Variants in FANCC observed in about 807,000 individuals in gnomAD.
FANCC encodes the protein Fanconi anemia group C protein.
Under a neutral mutation model 71.3 loss-of-function variants are expected in FANCC, and 55 were observed. The observed-to-expected ratio is 0.77, with a 90% confidence interval of 0.62 to 0.97. The LOEUF is 0.97. Ranked by LOEUF, FANCC falls within the 50% of genes least tolerant of loss-of-function variation. FANCC has a pLI of 0.00. For missense variants in FANCC, 678 were observed against 670.9 expected, an observed-to-expected ratio of 1.01 and a Z score of -0.12; for synonymous variants, 275 against 244.9, an observed-to-expected ratio of 1.12 and a Z score of -1.15.
At position 95,180,339 on chromosome 9, in the gene FANCC, CTTTTT is replaced by C. The variant is rs34697587; in HGVS notation, c.346-8197_346-8193del. On this transcript the variant is annotated intron_variant, in intron 4 of 14. Coordinates refer to ENST00000289081, the MANE Select transcript of FANCC (RefSeq NM_000136.3). ...GCCTAAAGCTGTCTTACAGTTAACT[CTTTTT>C]TTTTTTTTTTTTTTTTTTTTGAGAC... Among the ~76,000 whole-genome samples the C allele has an allele frequency of 3.7e-5, 3 of 82,184 alleles. No individual in the cohort carries two copies. In the East Asian group the frequency reaches 1.3e-3, roughly 35 times the overall value. The allele number at this position is 82,184 out of a possible 152,430, so 53.9% of individuals were successfully genotyped here.
rs1298791779 is a variant in FANCC, at chr9:95,099,425, C to T, written c.*2282G>A. The T allele has an allele frequency of 1.8e-5, 4 of 226,784 alleles. No individual in the cohort carries two copies. The highest frequency in any genetic ancestry group is 1.9e-4 in the South Asian group (1 of 5,170). The allele number at this position is 226,784 out of a possible 1,614,324, so 14.0% of individuals were successfully genotyped here. A position where few individuals can be genotyped will look rare whatever the true frequency, so the allele number is the denominator to read the frequency against. On this transcript the variant is annotated 3_prime_UTR_variant, in exon 15 of 15. Coordinates refer to ENST00000289081, the MANE Select transcript of FANCC (RefSeq NM_000136.3). ...CCCGCCAACGCCGTCAAGGCCCCCT[C>T]GGCCACGCCGCGTCCCCGCCCAGCA... is the stretch of plus-strand genomic sequence containing the variant.
intron 4 of FANCC, among the ~76,000 whole-genome samples, chr9:95,233,845 C>T (rs1830144783): frequency 6.6e-6 from 1 of 152,130 alleles, no homozygotes; most frequent in African/African-American, 2.4e-5. Flanking sequence ...AATGTACTCA[C>T]ACTACGACCT....
intron 2 of FANCC, among the ~76,000 whole-genome samples, chr9:95,248,798 T>C (rs1020424873): frequency 9.2e-5 from 14 of 152,206 alleles, no homozygotes; most frequent in African/African-American, 3.4e-4. Context: ...GGGTTAAGCA[T>C]GTAGCAAATT....
At chr9:95,246,061 C>G (rs1263321679) in intron 3 of FANCC, among the ~76,000 whole-genome samples, 1 of 152,190 alleles carries the variant, frequency 6.6e-6, no homozygotes, top group Non-Finnish European at 1.5e-5. Context: ...TATCCACGTG[C>G]ATATGCATAT....
chr9:95,247,229 G>T (rs916969911), intron 3 of FANCC, among the ~76,000 whole-genome samples: 2 of 151,670 alleles, frequency 1.3e-5, no homozygotes, highest in Non-Finnish European at 2.9e-5. Flanking sequence ...GTGTGTGTGT[G>T]TGTGTGTTTA....
At chr9:95,110,032 C>G (rs2071780252) in intron 13 of FANCC, among the ~76,000 whole-genome samples, 1 of 152,180 alleles carries the variant, frequency 6.6e-6, no homozygotes, top group Non-Finnish European at 1.5e-5. Flanking sequence ...AACTGCCAGG[C>G]AGATGGGCAC....
At chr9:95,247,600 T>A in intron 2 of FANCC, 84 bp from the exon 3 acceptor site, 1 of 865,284 alleles carries the variant, frequency 1.2e-6, no homozygotes, top group Non-Finnish European at 2.0e-6. Context: ...TGAGGGAACG[T>A]GAATGCTTCT....
chr9:95,250,048 T>C (rs1831234032), intron 1 of FANCC, among the ~76,000 whole-genome samples: 1 of 152,218 alleles, frequency 6.6e-6, no homozygotes, highest in Non-Finnish European at 1.5e-5. Context: ...CCAGTGACAG[T>C]AGATAAAATC....
chr9:95,279,039 G>GT (rs1833217972), intron 1 of FANCC, among the ~76,000 whole-genome samples: 1 of 152,026 alleles, frequency 6.6e-6, no homozygotes, highest in Non-Finnish European at 1.5e-5. Flanking sequence ...AATTGGCTGG[G>GT]TATGCTGGCT....
chr9:95,158,133 C>T (rs1472901501), intron 6 of FANCC, among the ~76,000 whole-genome samples: 3 of 152,140 alleles, frequency 2.0e-5, no homozygotes, highest in Non-Finnish European at 4.4e-5. Flanking sequence ...ATTGCACAAA[C>T]ATCCATCCCG....
At chr9:95,259,266 C>T (rs2136156281) in intron 1 of FANCC, among the ~76,000 whole-genome samples, 1 of 152,250 alleles carries the variant, frequency 6.6e-6, no homozygotes, top group South Asian at 2.1e-4. Flanking sequence ...AAGGTGGAGA[C>T]ATCGCACTAC....
intron 6 of FANCC, among the ~76,000 whole-genome samples, chr9:95,155,540 G>T (rs1488118743): frequency 6.6e-6 from 1 of 150,862 alleles, no homozygotes; most frequent in African/African-American, 2.4e-5. Flanking sequence ...ATCTTTTTTT[G>T]CACTCTTCCC....
intron 4 of FANCC, among the ~76,000 whole-genome samples, chr9:95,189,367 T>C (rs1188825324): frequency 2.6e-5 from 4 of 152,172 alleles, no homozygotes; most frequent in African/African-American, 9.7e-5. Context: ...GGCTGCTCAT[T>C]CACAGACCCT....
At chr9:95,195,641 T>C (rs940326519) in intron 4 of FANCC, among the ~76,000 whole-genome samples, 3 of 152,228 alleles carry the variant, frequency 2.0e-5, no homozygotes, top group African/African-American at 7.2e-5. Flanking sequence ...TGCCTATGAA[T>C]ATAAAAAGCC....
Position 95,099,247 on chromosome 9 carries a change from C to G in FANCC, c.*2460G>C, listed in dbSNP as rs1335699927. The G allele has an allele frequency of 2.7e-5, 6 of 218,976 alleles. No individual in the cohort carries two copies. The East Asian group carries it at 4.0e-4, about 15-fold the overall frequency. The allele number at this position is 218,976 out of a possible 1,614,324, so 13.6% of individuals were successfully genotyped here. On this transcript the variant is annotated 3_prime_UTR_variant, in exon 15 of 15. Transcript: ENST00000289081. Reference sequence around the variant, plus strand: ...TTTTACCAGCATGCTTTATCAAAAACTAAACTATCAGGGAGAGTCTACAAA... The same window carrying G: ...TTTTACCAGCATGCTTTATCAAAAAGTAAACTATCAGGGAGAGTCTACAAA...
At chr9:95,110,856 C>T in intron 13 of FANCC, 1 of 1,183,362 alleles carries the variant, frequency 8.5e-7, no homozygotes, top group Non-Finnish European at 1.1e-6. Flanking sequence ...CATAAAATAA[C>T]AACTGTCTTT....
intron 4 of FANCC, among the ~76,000 whole-genome samples, chr9:95,192,277 T>C (rs1423323344): frequency 2.0e-5 from 3 of 152,030 alleles, no homozygotes; most frequent in Non-Finnish European, 4.4e-5. Flanking sequence ...GACCTGGTGG[T>C]AGTCACCTTC....
intron 4 of FANCC, among the ~76,000 whole-genome samples, chr9:95,194,542 GAT>G: frequency 6.6e-6 from 1 of 152,266 alleles, no homozygotes; most frequent in South Asian, 2.1e-4. Flanking sequence ...TTAGCCATTT[GAT>G]AGGTGCGTAG....
chr9:95,192,613 T>C (rs1357232134), intron 4 of FANCC, among the ~76,000 whole-genome samples: 1 of 152,238 alleles, frequency 6.6e-6, no homozygotes, highest in African/African-American at 2.4e-5. Context: ...GAAATGTCCC[T>C]TTAAAAACAG....
Sources: gnomAD v4.1 joint callset for allele counts (sites outside exome capture counted in the v4.1 genomes callset) on GRCh38, gnomAD v4.1.1 for gene constraint, MANE v1.5 for transcripts, NCBI Gene and HGNC (gene_info 2026-07-23, HGNC 2026-07-21) for gene names.